Variants in SLC44A1 observed in about 807,000 individuals in gnomAD.
SLC44A1 encodes the protein choline transporter-like protein 1.
Under a neutral mutation model 79.3 loss-of-function variants are expected in SLC44A1, and 26 were observed. That is an observed-to-expected ratio of 0.33 (90% CI 0.24 to 0.46). The LOEUF is 0.46. Ranked by LOEUF, SLC44A1 falls within the 20% of genes least tolerant of loss-of-function variation. The probability of loss-of-function intolerance (pLI) is 1.00; values close to 1 mark genes in which losing one functional copy is unlikely to be tolerated. For missense variants in SLC44A1, 688 were observed against 798.1 expected (o/e 0.86, Z 1.66); for synonymous variants, 263 against 286.2 (o/e 0.92, Z 0.82).
At chr9:105,435,255 T>G (rs1829449358) in intron 15 of SLC44A1, among the ~76,000 whole-genome samples, 1 of 151,950 alleles carries the variant, frequency 6.6e-6, no homozygotes. Context: ...TAATGAAATC[T>G]GAATAAAGTA....
chr9:105,282,617 C>A (rs537236772), intron 1 of SLC44A1, among the ~76,000 whole-genome samples: 43 of 151,938 alleles, frequency 2.8e-4, no homozygotes, highest in Admixed American at 5.2e-4. Flanking sequence ...GGTGCAATCT[C>A]GGCTCACTGC....
At chr9:105,324,009 TG>T (rs1826486184) in intron 3 of SLC44A1, among the ~76,000 whole-genome samples, 2 of 152,124 alleles carry the variant, frequency 1.3e-5, no homozygotes, top group African/African-American at 4.8e-5. Flanking sequence ...TTTTTGTTTT[TG>T]TTTTTGTTTT....
At chr9:105,257,167 G>A (rs1299072772) in intron 1 of SLC44A1, among the ~76,000 whole-genome samples, 1 of 151,758 alleles carries the variant, frequency 6.6e-6, no homozygotes, top group Non-Finnish European at 1.5e-5. Context: ...CATGATCTCA[G>A]CTCACTGCAA....
At chr9:105,257,933 A>G (rs1458253616) in intron 1 of SLC44A1, among the ~76,000 whole-genome samples, 2 of 152,234 alleles carry the variant, frequency 1.3e-5, no homozygotes. Flanking sequence ...AGGAGTTTTC[A>G]GAGTGGTTTA....
chr9:105,367,884 T>C (rs1404583734), intron 12 of SLC44A1, among the ~76,000 whole-genome samples: 1 of 152,218 alleles, frequency 6.6e-6, no homozygotes, highest in East Asian at 1.9e-4. Flanking sequence ...TTTAAACTTC[T>C]AGCTCCTTTA....
At chr9:105,417,421 G>T (rs916355328) in intron 15 of SLC44A1, among the ~76,000 whole-genome samples, 1 of 152,048 alleles carries the variant, frequency 6.6e-6, no homozygotes, top group Non-Finnish European at 1.5e-5. Flanking sequence ...TTGGTCTTCA[G>T]CCATACCATG....
chr9:105,406,669 G>A (rs1829033068), intron 15 of SLC44A1, among the ~76,000 whole-genome samples: 1 of 152,136 alleles, frequency 6.6e-6, no homozygotes, highest in East Asian at 1.9e-4. Context: ...TTGAGCCCAC[G>A]AGTTCAAGGC....
chr9:105,327,222 C>T (rs886743037), intron 3 of SLC44A1, among the ~76,000 whole-genome samples: 3 of 152,182 alleles, frequency 2.0e-5, no homozygotes, highest in Admixed American at 1.3e-4. Context: ...ACTCATTCTG[C>T]ACCTTGCAGC....
At chr9:105,296,962 T>C (rs900150985) in intron 1 of SLC44A1, among the ~76,000 whole-genome samples, 21 of 152,210 alleles carry the variant, frequency 1.4e-4, no homozygotes, top group South Asian at 4.1e-4. Flanking sequence ...GCAATTTATC[T>C]AAATTCATGT....
rs748450799 is a variant in SLC44A1 at position 105,389,982 on chromosome 9, C to T, written c.*926C>T. On this transcript the variant is annotated 3_prime_UTR_variant, in exon 16 of 16. Transcript: ENST00000374720. ...ATTGAAAATTCCGGTGCTTGGGCTT[C>T]GGCTTCAGAGTAACGTCAGTGGCTT... 4.8e-6 allele frequency: 7 copies of T among 1,455,572 alleles called. No individual in the cohort carries two copies. Among genetic ancestry groups the T allele is most frequent in the Non-Finnish European group, 5.4e-6 (6 of 1,104,804 alleles). 90.2% of individuals were successfully genotyped at this position (1,455,572 alleles called of 1,614,324 possible). A position where few individuals can be genotyped will look rare whatever the true frequency, so the allele number is the denominator to read the frequency against.
chr9:105,389,806 C>T lies in SLC44A1; in HGVS notation c.*750C>T. 3 of 1,362,712 alleles carry T rather than the reference C, an allele frequency of 2.2e-6. No individual in the cohort carries two copies. The highest frequency in any genetic ancestry group is 3.0e-5 in the African/African-American group (2 of 67,158). 84.4% of individuals were successfully genotyped at this position (1,362,712 alleles called of 1,614,324 possible). ...TATTTTGTCTTTCTTTCCTTTTTGA[C>T]TTTAGTAGCATCCTCCACACATTTG... On this transcript the variant is annotated 3_prime_UTR_variant, in exon 16 of 16. Coordinates refer to ENST00000374720, the MANE Select transcript of SLC44A1 (RefSeq NM_080546.5).
chr9:105,392,175 C>A lies in SLC44A1; in HGVS notation c.*3119C>A, dbSNP rs1182835017. 6 of 984,906 alleles carry A rather than the reference C, an allele frequency of 6.1e-6. No individual in the cohort carries two copies. Among genetic ancestry groups the A allele is most frequent in the African/African-American group, 1.7e-5 (1 of 57,212 alleles). 61.0% of individuals were successfully genotyped at this position (984,906 alleles called of 1,614,324 possible). Reference sequence around the variant, plus strand: ...TGCATGGATGAGCAGAGCTCAAAGCCAGTTGTTCCTTTAAAGCATTTAATG... The same window carrying A: ...TGCATGGATGAGCAGAGCTCAAAGCAAGTTGTTCCTTTAAAGCATTTAATG... On this transcript the variant is annotated 3_prime_UTR_variant, in exon 16 of 16. Coordinates refer to ENST00000374720, the MANE Select transcript of SLC44A1 (RefSeq NM_080546.5).
In SLC44A1 at chr9:105,389,449, AG is replaced by A. The variant is rs1243027120; in HGVS notation, c.*397del. 1 of 1,032,612 alleles carries A rather than the reference AG, an allele frequency of 9.7e-7. No individual in the cohort carries two copies. The highest frequency in any genetic ancestry group is 1.2e-6 in the Non-Finnish European group (1 of 859,562). 64.0% of individuals were successfully genotyped at this position (1,032,612 alleles called of 1,614,324 possible). ...ACCTAATTATGTCTAAAGTTTATTC[AG>A]GGGTAATTTCCCTGATGTCTGTATA... is the stretch of plus-strand genomic sequence containing the variant. On this transcript the variant is annotated 3_prime_UTR_variant, in exon 16 of 16. Coordinates refer to ENST00000374720, the MANE Select transcript of SLC44A1 (RefSeq NM_080546.5).
intron 12 of SLC44A1, among the ~76,000 whole-genome samples, chr9:105,367,261 A>C (rs546184593): frequency 1.7e-4 from 26 of 152,290 alleles, no homozygotes; most frequent in Admixed American, 3.3e-4. Flanking sequence ...GAAGAGTAGC[A>C]TTGCACTTTC....
At chr9:105,438,209 T>C (rs1203751679) in intron 15 of SLC44A1, 4 of 1,289,502 alleles carry the variant, frequency 3.1e-6, no homozygotes, top group African/African-American at 3.0e-5. Context: ...CTATTTCTAG[T>C]TATTGATTAC....
At chr9:105,404,888 G>A (rs1276004044) in intron 15 of SLC44A1, among the ~76,000 whole-genome samples, 2 of 152,184 alleles carry the variant, frequency 1.3e-5, no homozygotes, top group Non-Finnish European at 2.9e-5. Context: ...TATAGGGATT[G>A]TGTAAGACAA....
chr9:105,312,408 G>A (rs915742230), intron 3 of SLC44A1, among the ~76,000 whole-genome samples: 7 of 152,048 alleles, frequency 4.6e-5, no homozygotes, highest in Admixed American at 4.6e-4. Context: ...TGTATTCTAA[G>A]TGCCATGAGA....
At chr9:105,315,095 A>C (rs1831284622) in intron 3 of SLC44A1, among the ~76,000 whole-genome samples, 1 of 152,132 alleles carries the variant, frequency 6.6e-6, no homozygotes, top group Admixed American at 6.5e-5. Flanking sequence ...TTAAAGATGA[A>C]AGAAATTTTT....
intron 4 of SLC44A1, among the ~76,000 whole-genome samples, chr9:105,337,596 C>T (rs2131363257): frequency 6.6e-6 from 1 of 152,290 alleles, no homozygotes; most frequent in East Asian, 1.9e-4. Flanking sequence ...TAACCCCTTG[C>T]TCGGAAATCA....
Sources: allele counts gnomAD v4.1 joint callset (sites outside exome capture counted in the v4.1 genomes callset), GRCh38; gene constraint gnomAD v4.1.1; transcripts MANE v1.5; gene names NCBI Gene and HGNC (gene_info 2026-07-23, HGNC 2026-07-21).